STXBP6: variants seen among roughly 807,000 people sequenced by gnomAD.
The protein encoded by STXBP6 is syntaxin-binding protein 6.
Under a neutral mutation model 26.9 loss-of-function variants are expected in STXBP6, and 21 were observed. That is an observed-to-expected ratio of 0.78 (90% CI 0.55 to 1.12). STXBP6 has a LOEUF of 1.12. STXBP6 is among the 50% of genes most tolerant of loss of function. STXBP6 has a pLI of 0.00. For synonymous variants in STXBP6, 97 were observed against 92.6 expected (o/e 1.05, Z -0.27); for missense variants, 232 against 257.9 (o/e 0.90, Z 0.69).
At chr14:24,837,224 A>G (rs1441165473) in intron 4 of STXBP6, among the ~76,000 whole-genome samples, 2 of 152,226 alleles carry the variant, frequency 1.3e-5, no homozygotes, top group African/African-American at 4.8e-5. Context: ...TGTGGAACAT[A>G]GGAAAATTTG....
intron 1 of STXBP6, among the ~76,000 whole-genome samples, chr14:25,008,313 G>A (rs1419140568): frequency 6.6e-6 from 1 of 152,138 alleles, no homozygotes; most frequent in African/African-American, 2.4e-5. Context: ...AGACCAGCCT[G>A]GGCATCAGAG....
At chr14:24,999,170 A>G (rs574909854) in intron 1 of STXBP6, among the ~76,000 whole-genome samples, 3 of 152,332 alleles carry the variant, frequency 2.0e-5, no homozygotes, top group Non-Finnish European at 2.9e-5. Context: ...TCAAACCATC[A>G]TAAGTCAGGG....
chr14:25,043,967 C>T (rs890922789), intron 1 of STXBP6, among the ~76,000 whole-genome samples: 1 of 151,808 alleles, frequency 6.6e-6, no homozygotes, highest in South Asian at 2.1e-4. Flanking sequence ...CCCAGGAGTT[C>T]AAGATCAGCC....
chr14:25,048,745 C>A (rs1011865340), intron 1 of STXBP6, among the ~76,000 whole-genome samples: 2 of 152,202 alleles, frequency 1.3e-5, no homozygotes, highest in Admixed American at 1.3e-4. Context: ...GCTCCTCCAC[C>A]CCCAGGGTGG....
At chr14:24,897,476 C>T (rs2071040881) in intron 2 of STXBP6, among the ~76,000 whole-genome samples, 2 of 147,782 alleles carry the variant, frequency 1.4e-5, no homozygotes, top group South Asian at 4.3e-4. Context: ...CCTTTGTTGG[C>T]AAAATCTATC....
At chr14:24,826,910 C>T (rs1566384812) in intron 4 of STXBP6, among the ~76,000 whole-genome samples, 1 of 152,114 alleles carries the variant, frequency 6.6e-6, no homozygotes, top group Non-Finnish European at 1.5e-5. Context: ...AAAAACAGTA[C>T]CTATTTTGGC....
intron 4 of STXBP6, among the ~76,000 whole-genome samples, chr14:24,823,828 A>G (rs1163503529): frequency 1.3e-5 from 2 of 152,238 alleles, no homozygotes; most frequent in African/African-American, 4.8e-5. Context: ...TAAAATAGAT[A>G]TGGGTTCTAA....
At chr14:24,910,083 T>C (rs1321452922) in intron 2 of STXBP6, among the ~76,000 whole-genome samples, 2 of 151,956 alleles carry the variant, frequency 1.3e-5, no homozygotes, top group Non-Finnish European at 2.9e-5. Flanking sequence ...ACCGCACCCA[T>C]CCACACTGGC....
chr14:25,000,389 T>C (rs1334391275), intron 1 of STXBP6, among the ~76,000 whole-genome samples: 3 of 150,430 alleles, frequency 2.0e-5, no homozygotes, highest in African/African-American at 4.9e-5. Flanking sequence ...ATGTTAGGAC[T>C]GGGTTAGGCT....
At chr14:24,919,303 T>C (rs1273171689) in intron 2 of STXBP6, among the ~76,000 whole-genome samples, 2 of 152,010 alleles carry the variant, frequency 1.3e-5, no homozygotes, top group African/African-American at 4.8e-5. Flanking sequence ...ACTAAAGAGA[T>C]GGAAGAAAGG....
intron 3 of STXBP6, among the ~76,000 whole-genome samples, 175 bp downstream of exon 3, chr14:24,856,852 G>A (rs2069351329): frequency 6.6e-6 from 1 of 151,992 alleles, no homozygotes; most frequent in South Asian, 2.1e-4. Flanking sequence ...ATGATGAAAA[G>A]ATTTATAATT....
intron 2 of STXBP6, among the ~76,000 whole-genome samples, chr14:24,971,027 A>G (rs2073890995): frequency 6.6e-6 from 1 of 152,228 alleles, no homozygotes; most frequent in African/African-American, 2.4e-5. Context: ...CTCAAATCCT[A>G]TCCCAAGACA....
intron 1 of STXBP6, among the ~76,000 whole-genome samples, chr14:24,986,755 T>C (rs1181374398): frequency 6.6e-6 from 1 of 152,246 alleles, no homozygotes; most frequent in Non-Finnish European, 1.5e-5. Flanking sequence ...CACAAGGTCC[T>C]GTTGGGTAAC....
chr14:25,022,658 C>A (rs1006399802), intron 1 of STXBP6, among the ~76,000 whole-genome samples: 11 of 152,350 alleles, frequency 7.2e-5, no homozygotes, highest in African/African-American at 2.4e-4. Flanking sequence ...AAACATTACA[C>A]AGGCCAAATA....
chr14:24,921,017 T>A (rs1339193170), intron 2 of STXBP6, among the ~76,000 whole-genome samples: 1 of 152,124 alleles, frequency 6.6e-6, no homozygotes, highest in Non-Finnish European at 1.5e-5. Context: ...AAGGGTTTAA[T>A]ACTTAATAAA....
chr14:24,932,772 G>T (rs748251662), intron 2 of STXBP6, among the ~76,000 whole-genome samples: 31 of 152,074 alleles, frequency 2.0e-4, no homozygotes, highest in Non-Finnish European at 4.0e-4. Context: ...GAGGATAAAA[G>T]AAATGAACAA....
intron 2 of STXBP6, among the ~76,000 whole-genome samples, chr14:24,863,712 T>A (rs188321639): frequency 1.2e-4 from 18 of 152,126 alleles, no homozygotes; most frequent in African/African-American, 4.3e-4. Flanking sequence ...CCTGAAAATA[T>A]GATTTCAGGG....
intron 1 of STXBP6, among the ~76,000 whole-genome samples, chr14:24,980,218 A>T (rs897589961): frequency 2.0e-5 from 3 of 152,234 alleles, no homozygotes; most frequent in African/African-American, 4.8e-5. Flanking sequence ...TTATGCAAAG[A>T]AAATCAATTT....
intron 2 of STXBP6, among the ~76,000 whole-genome samples, chr14:24,886,336 T>C (rs1595045343): frequency 6.6e-6 from 1 of 152,236 alleles, no homozygotes; most frequent in African/African-American, 2.4e-5. Flanking sequence ...TGTACGATTT[T>C]GGTTGGGATA....
Sources: allele counts gnomAD v4.1 joint callset (sites outside exome capture counted in the v4.1 genomes callset), GRCh38; gene constraint gnomAD v4.1.1; transcripts MANE v1.5; gene names NCBI Gene and HGNC (gene_info 2026-07-23, HGNC 2026-07-21).